PAPOLA: variants seen among roughly 807,000 people sequenced by gnomAD.
PAPOLA encodes the protein poly(A) polymerase alpha.
In PAPOLA, 15 loss-of-function variants were observed where a neutral mutation model predicts 100.6. The observed-to-expected ratio is 0.15, with a 90% CI of 0.10 to 0.23. The LOEUF (loss-of-function observed/expected upper bound fraction) is 0.23, where lower values mean the gene tolerates loss of function less well. PAPOLA is among the 10% of genes least tolerant of loss of function. The pLI, the probability that PAPOLA is intolerant of heterozygous loss-of-function variation, is 1.00. For missense variants in PAPOLA, 533 were observed against 884.2 expected, an observed-to-expected ratio of 0.60 and a Z score of 5.04; for synonymous variants, 293 against 300.0, an observed-to-expected ratio of 0.98 and a Z score of 0.24.
intron 1 of PAPOLA, among the ~76,000 whole-genome samples, chr14:96,514,962 T>G (rs1230982470): frequency 1.3e-5 from 2 of 151,008 alleles, no homozygotes; most frequent in African/African-American, 4.9e-5. Flanking sequence ...GACCAGACTT[T>G]GTAGTCTGTC....
intron 1 of PAPOLA, among the ~76,000 whole-genome samples, chr14:96,513,694 A>T (rs1897251010): frequency 6.6e-6 from 1 of 152,124 alleles, no homozygotes; most frequent in South Asian, 2.1e-4. Flanking sequence ...GTTTTTCATT[A>T]ATCAGGTTGT....
intron 20 of PAPOLA, 87 bp downstream of exon 20, chr14:96,560,798 G>A (rs1279289252): frequency 1.1e-6 from 1 of 909,538 alleles, no homozygotes; most frequent in Non-Finnish European, 1.7e-6. Flanking sequence ...GTATTTTTGT[G>A]CTATAGGTTT....
chr14:96,551,508 G>A (rs1900846562), intron 16 of PAPOLA, among the ~76,000 whole-genome samples: 1 of 152,186 alleles, frequency 6.6e-6, no homozygotes, highest in Non-Finnish European at 1.5e-5. Flanking sequence ...TATGTCTAGT[G>A]CTAAATCAAA....
intron 17 of PAPOLA, among the ~76,000 whole-genome samples, 172 bp from the exon 18 acceptor site, chr14:96,555,672 CTGT>C (rs1901256791): frequency 6.6e-6 from 1 of 152,052 alleles, no homozygotes; most frequent in Non-Finnish European, 1.5e-5. Context: ...GTACTATTTA[CTGT>C]TGTTATACTT....
intron 1 of PAPOLA, among the ~76,000 whole-genome samples, chr14:96,505,874 CTTCCTTCCTTCCTTGCTTGA>C (rs944184623): frequency 3.3e-5 from 5 of 151,894 alleles, no homozygotes; most frequent in African/African-American, 9.7e-5. Flanking sequence ...TAGTCATTTC[CTTCCTTCCTTCCTTGCTTGA>C]TTCCTTCCTT....
intron 3 of PAPOLA, among the ~76,000 whole-genome samples, chr14:96,523,808 T>C (rs2140264466): frequency 6.6e-6 from 1 of 152,220 alleles, no homozygotes; most frequent in East Asian, 1.9e-4. Context: ...CTGGGCGTGG[T>C]AGTGCGCGCC....
intron 1 of PAPOLA, among the ~76,000 whole-genome samples, chr14:96,519,494 C>CT (rs1191668523): frequency 2.6e-5 from 4 of 151,852 alleles, no homozygotes; most frequent in Non-Finnish European, 4.4e-5. Context: ...TAAAATAAAC[C>CT]TTTTAGACTA....
Position 96,556,312 on chromosome 14 carries a change from T to C in PAPOLA, c.1903T>C (p.Ser635Pro), listed in dbSNP as rs200844555. 6.2e-7 allele frequency: 1 copy of C among 1,613,338 alleles called. No individual in the cohort carries two copies. The highest frequency in any genetic ancestry group is 1.7e-5 in the Admixed American group (1 of 59,936). ...TAGATCTTCAGGAAATGCAGCAACT[T>C]CAGGAAATGCAGCAACAAAAATACC... is the stretch of plus-strand genomic sequence containing the variant. ...PPRSSGNAAT[S>P]GNAATKIPTP... Residue 635 changes from serine to proline, a missense_variant, in exon 19 of 22, where the codon TCA becomes CCA. Transcript: ENST00000216277.
intron 1 of PAPOLA, among the ~76,000 whole-genome samples, chr14:96,505,187 T>C (rs1247242597): frequency 6.6e-6 from 1 of 152,238 alleles, no homozygotes; most frequent in East Asian, 1.9e-4. Flanking sequence ...GATTCATTCC[T>C]TGCAGGTGCC....
chr14:96,564,839 A>G, intron 21 of PAPOLA, 116 bp from the exon 22 acceptor site: 2 of 625,162 alleles, frequency 3.2e-6, no homozygotes, highest in Non-Finnish European at 2.9e-6. Context: ...GAGTTTTTAA[A>G]TTTGTAATAC....
At chr14:96,517,807 G>C (rs572929966) in intron 1 of PAPOLA, among the ~76,000 whole-genome samples, 1 of 151,356 alleles carries the variant, frequency 6.6e-6, no homozygotes, top group African/African-American at 2.4e-5. Flanking sequence ...GGGTTAGAGC[G>C]ATGCTCCTGC....
In PAPOLA at chr14:96,556,233, A is replaced by G. The variant is rs747183627; in HGVS notation, c.1824A>G (p.Pro608=). Residue 608 remains proline (P), a synonymous_variant, in exon 19 of 22, where the codon CCA becomes CCG. Coordinates refer to ENST00000216277, the MANE Select transcript of PAPOLA (RefSeq NM_032632.5). ...TATQPAISPP[P]KPTVSRVVSS... ...CACAACCAGCCATTTCTCCACCACC[A>G]AAGCCTACGGTCTCCAGAGTTGTTT... 90 of 1,614,006 alleles carry G rather than the reference A, an allele frequency of 5.6e-5. 1 individual carries two copies. Among genetic ancestry groups the G allele is most frequent in the Non-Finnish European group, 6.2e-5 (73 of 1,180,022 alleles).
At chr14:96,530,454 A>G (rs946343332) in intron 6 of PAPOLA, among the ~76,000 whole-genome samples, 3 of 148,902 alleles carry the variant, frequency 2.0e-5, no homozygotes, top group African/African-American at 7.4e-5. Context: ...TGTTGCAATC[A>G]CAGTTCACTG....
intron 4 of PAPOLA, 60 bp from the exon 5 acceptor site, chr14:96,527,370 G>A: frequency 1.0e-6 from 1 of 975,804 alleles, no homozygotes; most frequent in Non-Finnish European, 1.6e-6. Flanking sequence ...TACCATGATA[G>A]GATGCAAAAT....
chr14:96,507,410 C>T (rs956463158), intron 1 of PAPOLA, among the ~76,000 whole-genome samples: 3 of 150,648 alleles, frequency 2.0e-5, no homozygotes, highest in African/African-American at 7.4e-5. Context: ...GCCTCAGCCT[C>T]CCGAGTAGCT....
chr14:96,518,169 T>TA (rs1897624866), intron 1 of PAPOLA, among the ~76,000 whole-genome samples: 1 of 152,208 alleles, frequency 6.6e-6, no homozygotes, highest in South Asian at 2.1e-4. Context: ...AAATCTGAAT[T>TA]AAAATTAAGA....
At chr14:96,520,954 A>G in intron 2 of PAPOLA, 52 bp from the exon 3 acceptor site, 1 of 867,924 alleles carries the variant, frequency 1.2e-6, no homozygotes, top group Non-Finnish European at 1.9e-6. Flanking sequence ...ACTTTAAGAA[A>G]TTTAATCAGT....
Position 96,537,227 on chromosome 14 carries a change from A to T in PAPOLA, c.1115+167A>T, listed in dbSNP as rs1194041143. 3.4e-6 allele frequency: 2 copies of T among 580,526 alleles called. 1 individual carries two copies. The highest frequency in any genetic ancestry group is 6.2e-6 in the Non-Finnish European group (2 of 321,572). 36.0% of individuals were successfully genotyped at this position (580,526 alleles called of 1,614,324 possible). ...CTCCTTAGTTTTTTTTGGTTGAGGT[A>T]ATGAATGTGAAGCCCCTTTGATTTT... On this transcript the variant is annotated intron_variant, in intron 12 of 21. Coordinates refer to ENST00000216277, the MANE Select transcript of PAPOLA (RefSeq NM_032632.5).
intron 1 of PAPOLA, among the ~76,000 whole-genome samples, chr14:96,514,142 A>T (rs959237884): frequency 6.6e-5 from 10 of 152,082 alleles, no homozygotes; most frequent in South Asian, 6.2e-4. Flanking sequence ...AACTCCAGTT[A>T]ACAAATCATA....
Sources: allele counts gnomAD v4.1 joint callset (sites outside exome capture counted in the v4.1 genomes callset), GRCh38; gene constraint gnomAD v4.1.1; transcripts MANE v1.5; gene names NCBI Gene and HGNC (gene_info 2026-07-23, HGNC 2026-07-21).